SLTM: variants seen among roughly 807,000 people sequenced by gnomAD.
SLTM encodes SAFB like transcription modulator, also known as SAFB-like transcription modulator.
In SLTM, 43 loss-of-function variants were observed where a neutral mutation model predicts 134.6. The observed-to-expected ratio is 0.32, with a 90% confidence interval of 0.25 to 0.41. The LOEUF is 0.41. SLTM is among the 10% of genes least tolerant of loss of function. The pLI, the probability that SLTM is intolerant of heterozygous loss-of-function variation, is 1.00. For synonymous variants in SLTM, 424 were observed against 432.3 expected (o/e 0.98, Z 0.24); for missense variants, 1,055 against 1,288.8 (o/e 0.82, Z 2.78).
chr15:58,892,222 C>T lies in SLTM; in HGVS notation c.1898+675G>A, dbSNP rs117876135. ...ACACCCACAAGACTATTTTAAGTGG[C>T]ATCCAAAAATTGATATACAAAAGTA... is the stretch of plus-strand genomic sequence containing the variant. On this transcript the variant is annotated intron_variant, in intron 14 of 20. Transcript: ENST00000380516. Among the ~76,000 whole-genome samples the T allele has an allele frequency of 2.1e-3, 313 of 152,244 alleles. 5 individuals are homozygous for T. In the East Asian group the frequency reaches 0.051, roughly 25 times the overall value.
chr15:58,910,206 AAACAG>A (rs1362617538), intron 5 of SLTM, among the ~76,000 whole-genome samples: 1 of 152,184 alleles, frequency 6.6e-6, no homozygotes, highest in East Asian at 1.9e-4. Context: ...GGGAGAAAGT[AAACAG>A]AGGCATAGGG....
rs776240050 is a variant in SLTM at position 58,883,815 on chromosome 15, T to G, written c.2836-29A>C. The G allele has an allele frequency of 7.5e-6, 12 of 1,610,390 alleles. No individual in the cohort carries two copies. In the African/African-American group the frequency reaches 9.4e-5, roughly 13 times the overall value. On this transcript the variant is annotated intron_variant, in intron 19 of 20. Coordinates refer to ENST00000380516, the MANE Select transcript of SLTM (RefSeq NM_024755.4). The stretch of plus-strand genomic sequence containing the variant: ...AAAGAATAGCATATGAAAAGTCACT[T>G]GGCCGGGCGCAGTGGCTCATACCTA...
chr15:58,904,128 C>T (rs1471839123), intron 5 of SLTM, among the ~76,000 whole-genome samples: 2 of 152,114 alleles, frequency 1.3e-5, no homozygotes, highest in Non-Finnish European at 2.9e-5. Flanking sequence ...CTCGGCCTCC[C>T]GAGTAGCTGG....
rs2034105081 is a variant in SLTM at position 58,885,488 on chromosome 15, C to T, written c.2835+1487G>A. On this transcript the variant is annotated intron_variant, in intron 19 of 20. Transcript: ENST00000380516. ...AAGGCAGACTTATTTGGATTATAGA[C>T]TCAGTCTTAAAAATTCTTTTTAGGA... Among the ~76,000 whole-genome samples, 6 of 152,226 alleles carry T rather than the reference C, an allele frequency of 3.9e-5. No homozygotes were observed. In the Middle Eastern group the frequency reaches 0.01, roughly 259 times the overall value.
intron 2 of SLTM, among the ~76,000 whole-genome samples, chr15:58,918,210 G>A (rs1433858591): frequency 6.6e-6 from 1 of 151,592 alleles, no homozygotes; most frequent in Non-Finnish European, 1.5e-5. Context: ...AAAGACATCT[G>A]CTGGAAGTTT....
Position 58,890,435 on chromosome 15 carries a change from C to G in SLTM, c.1925G>C (p.Arg642Pro). The G allele has an allele frequency of 6.2e-7, 1 of 1,613,892 alleles. No individual in the cohort carries two copies. Among genetic ancestry groups the G allele is most frequent in the East Asian group, 2.2e-5 (1 of 44,882 alleles). Residue 642 changes from arginine to proline, a missense_variant, in exon 15 of 21, where the codon CGT becomes CCT. Arg to Pro is a moderately radical substitution (Grantham distance 103). Coordinates refer to ENST00000380516, the MANE Select transcript of SLTM (RefSeq NM_024755.4). ...TATTCTAATGCGTTCTCGCTCTCGACGCTCTCTCTCTGCAATCTCTCTTCG... is the reference window on the plus strand; with the variant it reads ...TATTCTAATGCGTTCTCGCTCTCGAGGCTCTCTCTCTGCAATCTCTCTTCG... Reference protein sequence around the residue: ...RRRREIAERERRERERIRIIR... With the variant: ...RRRREIAEREPRERERIRIIR...
At chr15:58,928,497 G>A (rs1342973500) in intron 2 of SLTM, among the ~76,000 whole-genome samples, 1 of 152,116 alleles carries the variant, frequency 6.6e-6, no homozygotes, top group Non-Finnish European at 1.5e-5. Context: ...TAAATATGTT[G>A]ATATAAATGT....
intron 12 of SLTM, 81 bp downstream of exon 12, chr15:58,893,740 A>T: frequency 7.0e-7 from 1 of 1,433,250 alleles, no homozygotes; most frequent in Non-Finnish European, 9.4e-7. Flanking sequence ...TATCTGGATT[A>T]GAATTTCAGG....
intron 5 of SLTM, among the ~76,000 whole-genome samples, chr15:58,905,007 C>A (rs1206430154): frequency 1.3e-5 from 2 of 152,096 alleles, no homozygotes; most frequent in Non-Finnish European, 2.9e-5. Flanking sequence ...CCATGCCCGG[C>A]CAATTTTTGT....
chr15:58,916,686 C>A (rs944754975), intron 3 of SLTM: 3 of 301,032 alleles, frequency 1.0e-5, no homozygotes, highest in African/African-American at 2.2e-5. Context: ...CAGCTTTCTA[C>A]CTAAAGGCCT....
intron 2 of SLTM, chr15:58,921,610 T>A (rs771276293): frequency 4.6e-6 from 2 of 438,820 alleles, no homozygotes; most frequent in Non-Finnish European, 9.2e-6. Context: ...GACAAGATTG[T>A]CAAACAGTGA....
chr15:58,901,203 C>T (rs138590291), intron 6 of SLTM, 57 bp downstream of exon 6: 2 of 1,335,228 alleles, frequency 1.5e-6, no homozygotes, highest in South Asian at 1.3e-5. Flanking sequence ...GTGCTTTTTA[C>T]ATAATTTACT....
chr15:58,886,581 G>T (rs1391956134), intron 19 of SLTM, among the ~76,000 whole-genome samples: 2 of 152,076 alleles, frequency 1.3e-5, no homozygotes, highest in Non-Finnish European at 2.9e-5. Flanking sequence ...GCCCGGCCAA[G>T]AATATTTTAT....
chr15:58,883,638 G>C lies in SLTM; in HGVS notation c.2984C>G (p.Thr995Ser). ...GTTAGTTATTTACCTTGAATGTTGG[G>C]TTATCATGCCTGCTCCTGCCCGGCC... ...GDGRAGAGMI[T>S]QHSSNASPIN... The change falls in exon 20 of 21, where the codon ACC becomes AGC. Residue 995 changes from threonine to serine, a missense_variant. Around this residue, in one of 3 missense-constraint regions of SLTM, gnomAD observed 776 missense variants for 962.2 expected, o/e 0.81. Transcript: ENST00000380516. The C allele has an allele frequency of 6.2e-7, 1 of 1,614,074 alleles. No individual in the cohort carries two copies. Among genetic ancestry groups the C allele is most frequent in the African/African-American group, 1.3e-5 (1 of 75,000 alleles).
chr15:58,895,959 T>C (rs1420633569), intron 9 of SLTM, among the ~76,000 whole-genome samples: 2 of 152,226 alleles, frequency 1.3e-5, no homozygotes, highest in African/African-American at 2.4e-5. Flanking sequence ...AAGCCTATCA[T>C]GTGCACATGA....
Position 58,888,437 on chromosome 15 carries a change from C to T in SLTM, c.2323G>A (p.Glu775Lys). Residue 775 changes from glutamate to lysine, a missense_variant, in exon 17 of 21, where the codon GAG becomes AAG. Glu to Lys is a moderately conservative substitution (Grantham distance 56, BLOSUM62 1). This residue lies in a region of SLTM where 776 missense variants were observed against 962.2 expected (regional missense o/e 0.81). Transcript: ENST00000380516. ...QNRFNDFDHR[E>K]RGRFPESSAV... ...GAACTCTCAGGAAACCTGCCCCTCTCTCGGTGATCAAAGTCATTAAATCTG... is the reference window on the plus strand; with the variant it reads ...GAACTCTCAGGAAACCTGCCCCTCTTTCGGTGATCAAAGTCATTAAATCTG... 6.2e-7 allele frequency: 1 copy of T among 1,613,694 alleles called. No homozygotes were observed. The highest frequency in any genetic ancestry group is 8.5e-7 in the Non-Finnish European group (1 of 1,179,898).
intron 2 of SLTM, among the ~76,000 whole-genome samples, chr15:58,928,542 G>A (rs2037642593): frequency 6.6e-6 from 1 of 152,086 alleles, no homozygotes; most frequent in Non-Finnish European, 1.5e-5. Flanking sequence ...CATTGTTTGT[G>A]CTTGTAATAG....
rs370225742 is a variant in SLTM, at chr15:58,898,807, G to A, written c.1104C>T (p.Asp368=). 14 of 1,604,316 alleles carry A rather than the reference G, an allele frequency of 8.7e-6. No individual in the cohort carries two copies. In the East Asian group the frequency reaches 1.1e-4, roughly 13 times the overall value. Residue 368 remains aspartate, a synonymous_variant, in exon 8 of 21, where the codon GAC becomes GAT. Transcript: ENST00000380516. ...ATAGGGAAAAAAATTCTTTACCTTT[G>A]TCATCTTTAGATGATGTCTTGCTGT... ...SKDSKTSSKD[D]KGSTSSTSGS...
intron 2 of SLTM, among the ~76,000 whole-genome samples, chr15:58,929,938 G>T (rs1286085020): frequency 5.9e-5 from 9 of 152,020 alleles, no homozygotes; most frequent in Admixed American, 5.2e-4. Flanking sequence ...TAAAATAATT[G>T]AATCAATAAG....
Sources: gnomAD v4.1 joint callset for allele counts (sites outside exome capture counted in the v4.1 genomes callset) on GRCh38, gnomAD v4.1.1 for gene constraint, gnomAD v4.1.1 regional missense constraint, MANE v1.5 for transcripts, NCBI Gene and HGNC (gene_info 2026-07-23, HGNC 2026-07-21) for gene names.